The following STAG1 variants were observed in gnomAD, a reference collection of about 807,000 sequenced individuals.
The protein encoded by STAG1 is STAG1 cohesin complex component.
A neutral mutation model predicts 170.9 loss-of-function variants in STAG1; 26 were observed. That is an observed-to-expected ratio of 0.15 (90% CI 0.11 to 0.21). The LOEUF (loss-of-function observed/expected upper bound fraction) is 0.21. STAG1 is among the 10% of genes least tolerant of loss of function. The probability of loss-of-function intolerance (pLI) is 1.00; values close to 1 mark genes in which losing one functional copy is unlikely to be tolerated. For synonymous variants in STAG1, 514 were observed against 497.7 expected, an observed-to-expected ratio of 1.03 and a Z score of -0.44; for missense variants, 964 against 1,509.5, an observed-to-expected ratio of 0.64 and a Z score of 5.99.
intron 1 of STAG1, among the ~76,000 whole-genome samples, chr3:136,712,467 A>G (rs1463097418): frequency 2.0e-5 from 3 of 152,226 alleles, no homozygotes; most frequent in Non-Finnish European, 4.4e-5. Context: ...AATATGCATT[A>G]ATTAAAAATA....
chr3:136,606,529 A>G (rs1938947905), intron 3 of STAG1, among the ~76,000 whole-genome samples: 1 of 152,150 alleles, frequency 6.6e-6, no homozygotes, highest in Non-Finnish European at 1.5e-5. Flanking sequence ...TTGGTCTAGG[A>G]GTCCATCCAG....
chr3:136,337,028 T>TC lies in STAG1; in HGVS notation c.*1225dup, dbSNP rs1186297732. ...CATAAAAGTCTAGGCAGAATGTAACTCTAAACCATTGTAGACTGTCCTGAA... is the reference window on the plus strand; with the variant it reads ...CATAAAAGTCTAGGCAGAATGTAACTCCTAAACCATTGTAGACTGTCCTGAA... On this transcript the variant is annotated 3_prime_UTR_variant, in exon 34 of 34. Transcript: ENST00000383202. 6.6e-6 allele frequency: 1 copy of TC among 152,550 alleles called. No homozygotes were observed. The highest frequency in any genetic ancestry group is 1.5e-5 in the Non-Finnish European group (1 of 68,030). 9.4% of individuals were successfully genotyped at this position (152,550 alleles called of 1,614,324 possible). A position where few individuals can be genotyped will look rare whatever the true frequency, so the allele number is the denominator to read the frequency against.
intron 4 of STAG1, among the ~76,000 whole-genome samples, chr3:136,594,806 C>T (rs1181973816): frequency 1.3e-5 from 2 of 152,108 alleles, no homozygotes; most frequent in African/African-American, 4.8e-5. Flanking sequence ...GTCTCACTCC[C>T]GTTGCCCAGG....
At chr3:136,555,130 T>C (rs1936558653) in intron 5 of STAG1, among the ~76,000 whole-genome samples, 1 of 148,048 alleles carries the variant, frequency 6.8e-6, no homozygotes, top group Non-Finnish European at 1.5e-5. Context: ...ATAAATAACA[T>C]ATATGGAATA....
chr3:136,721,690 C>T (rs865958806), intron 1 of STAG1, among the ~76,000 whole-genome samples: 2 of 151,750 alleles, frequency 1.3e-5, no homozygotes, highest in African/African-American at 2.4e-5. Flanking sequence ...GAGATGAGGC[C>T]GAAGTGGGTG....
At chr3:136,593,318 A>G (rs1485657672) in intron 4 of STAG1, among the ~76,000 whole-genome samples, 1 of 152,112 alleles carries the variant, frequency 6.6e-6, no homozygotes, top group Non-Finnish European at 1.5e-5. Flanking sequence ...ATTAGGTGAG[A>G]TATGTCTGGT....
intron 1 of STAG1, among the ~76,000 whole-genome samples, chr3:136,671,712 G>A (rs574190371): frequency 2.8e-4 from 43 of 152,066 alleles, no homozygotes; most frequent in Non-Finnish European, 5.4e-4. Flanking sequence ...GCAACATGGT[G>A]AAACCCCATT....
At chr3:136,409,189 G>C (rs1378638145) in intron 21 of STAG1, among the ~76,000 whole-genome samples, 3 of 152,168 alleles carry the variant, frequency 2.0e-5, no homozygotes, top group Non-Finnish European at 4.4e-5. Context: ...GGTTGAACCT[G>C]GGAGGCGGAG....
intron 9 of STAG1, among the ~76,000 whole-genome samples, chr3:136,491,748 G>A (rs971548398): frequency 2.0e-5 from 3 of 152,104 alleles, no homozygotes; most frequent in Non-Finnish European, 4.4e-5. Flanking sequence ...ATCCCAGCAC[G>A]TTGGGAGCCC....
Position 136,512,768 on chromosome 3 carries a change from G to A in STAG1, c.676+8445C>T, listed in dbSNP as rs188609906. 6.6e-5 allele frequency among the ~76,000 whole-genome samples: 10 copies of A among 151,576 alleles called. No individual in the cohort carries two copies. In the East Asian group the frequency reaches 1.9e-3, roughly 29 times the overall value. On this transcript the variant is annotated intron_variant, in intron 7 of 33. Transcript: ENST00000383202. ...AAAAAAACTAACTGACCACCAGACT[G>A]CTCGATAGTGATGCTCACCAATCTG...
At chr3:136,643,085 T>C (rs1280619997) in intron 1 of STAG1, among the ~76,000 whole-genome samples, 2 of 152,236 alleles carry the variant, frequency 1.3e-5, no homozygotes, top group South Asian at 2.1e-4. Flanking sequence ...GCAAATATTC[T>C]ACTTCCAAAT....
intron 1 of STAG1, among the ~76,000 whole-genome samples, chr3:136,744,382 C>A (rs1236575951): frequency 6.6e-6 from 1 of 152,178 alleles, no homozygotes; most frequent in East Asian, 1.9e-4. Context: ...AGGAGTACAA[C>A]TGCTGGGGTT....
At chr3:136,654,755 C>T (rs1293862496) in intron 1 of STAG1, among the ~76,000 whole-genome samples, 1 of 152,146 alleles carries the variant, frequency 6.6e-6, no homozygotes, top group Non-Finnish European at 1.5e-5. Context: ...TCAAAACTTA[C>T]CTCAAAACTA....
At chr3:136,582,270 C>T (rs750890908) in intron 4 of STAG1, among the ~76,000 whole-genome samples, 1 of 152,054 alleles carries the variant, frequency 6.6e-6, no homozygotes, top group Non-Finnish European at 1.5e-5. Context: ...TAGCCAATAC[C>T]TGCAATGAGA....
intron 7 of STAG1, among the ~76,000 whole-genome samples, chr3:136,506,753 G>T (rs558995372): frequency 6.6e-6 from 1 of 152,046 alleles, no homozygotes; most frequent in East Asian, 1.9e-4. Flanking sequence ...AAGATAATTA[G>T]AAATATTTTT....
At position 136,456,015 on chromosome 3, in the gene STAG1, T is replaced by C. The variant is rs559103308; in HGVS notation, c.1314-3868A>G. On this transcript the variant is annotated intron_variant, in intron 13 of 33. Coordinates refer to ENST00000383202, the MANE Select transcript of STAG1 (RefSeq NM_005862.3). The stretch of plus-strand genomic sequence containing the variant: ...AAAAAACAAGAGGCCAGGGTTCAAG[T>C]TCTGAAACTAAGAAGTAAAGGTCTA... Among the ~76,000 whole-genome samples the C allele has an allele frequency of 3.3e-5, 5 of 152,344 alleles. No homozygotes were observed. In the East Asian group the frequency reaches 9.6e-4, roughly 29 times the overall value.
At chr3:136,736,901 T>C in intron 1 of STAG1, 1 of 1,588,302 alleles carries the variant, frequency 6.3e-7, no homozygotes, top group South Asian at 1.1e-5. Flanking sequence ...AGGGTCCTCT[T>C]CTTTTGCTCC....
chr3:136,366,827 A>G, intron 25 of STAG1, 116 bp downstream of exon 25: 1 of 750,782 alleles, frequency 1.3e-6, no homozygotes, highest in South Asian at 2.8e-5. Context: ...TTATCATAAA[A>G]TCATCCACAT....
At chr3:136,511,121 A>G (rs979055263) in intron 7 of STAG1, among the ~76,000 whole-genome samples, 5 of 152,026 alleles carry the variant, frequency 3.3e-5, no homozygotes, top group African/African-American at 1.2e-4. Flanking sequence ...GCTTGCACTC[A>G]CTTCCATCCA....
Sources: allele counts gnomAD v4.1 joint callset (sites outside exome capture counted in the v4.1 genomes callset), GRCh38; gene constraint gnomAD v4.1.1; transcripts MANE v1.5; gene names NCBI Gene and HGNC (gene_info 2026-07-23, HGNC 2026-07-21).